EEA1: variants seen among roughly 807,000 people sequenced by gnomAD.
The protein encoded by EEA1 is early endosome antigen 1.
In EEA1, 111 loss-of-function variants were observed where a neutral mutation model predicts 209.2. The observed-to-expected ratio is 0.53, with a 90% CI of 0.45 to 0.62. The LOEUF (loss-of-function observed/expected upper bound fraction) is 0.62, where lower values mean the gene tolerates loss of function less well. EEA1 is among the 20% of genes least tolerant of loss of function. The pLI, the probability that EEA1 is intolerant of heterozygous loss-of-function variation, is 0.00. For synonymous variants in EEA1, 536 were observed against 540.6 expected, an observed-to-expected ratio of 0.99 and a Z score of 0.12; for missense variants, 1,343 against 1,530.8, an observed-to-expected ratio of 0.88 and a Z score of 2.05.
In EEA1 at chr12:92,912,247, A is replaced by C. The variant is rs139028118; in HGVS notation, c.24+16796T>G. 5.9e-3 allele frequency among the ~76,000 whole-genome samples: 895 copies of C among 152,310 alleles called. 8 individuals are homozygous for C. The highest frequency in any genetic ancestry group is 0.021 in the African/African-American group (855 of 41,560). The stretch of plus-strand genomic sequence containing the variant: ...ATACAAGGAAGAACAAAGTGGTGTC[A>C]GTGGTAGTTTGTTATGGTAATTACC... On this transcript the variant is annotated intron_variant, in intron 1 of 28. Coordinates refer to ENST00000322349, the MANE Select transcript of EEA1 (RefSeq NM_003566.4).
At chr12:92,875,279 T>TA (rs1348538555) in intron 2 of EEA1, among the ~76,000 whole-genome samples, 1 of 151,958 alleles carries the variant, frequency 6.6e-6, no homozygotes, top group African/African-American at 2.4e-5. Context: ...CTATTAAAAA[T>TA]ACAAAAATTA....
At chr12:92,880,631 T>C (rs1198604532) in intron 2 of EEA1, among the ~76,000 whole-genome samples, 2 of 152,114 alleles carry the variant, frequency 1.3e-5, no homozygotes, top group East Asian at 3.9e-4. Context: ...CCCACCACCA[T>C]GCTCGGCTAA....
chr12:92,928,318 A>C (rs1881287498), intron 1 of EEA1, among the ~76,000 whole-genome samples: 1 of 152,218 alleles, frequency 6.6e-6, no homozygotes, highest in South Asian at 2.1e-4. Context: ...GATTTCAGAG[A>C]CAGCACAGGC....
chr12:92,923,363 AT>A (rs1565865616), intron 1 of EEA1, among the ~76,000 whole-genome samples: 1 of 152,010 alleles, frequency 6.6e-6, no homozygotes, highest in Non-Finnish European at 1.5e-5. Flanking sequence ...AAAAAAAAAA[AT>A]TTTCTGTGGC....
intron 19 of EEA1, among the ~76,000 whole-genome samples, chr12:92,802,184 T>A (rs1013710425): frequency 2.6e-5 from 4 of 152,024 alleles, no homozygotes; most frequent in Admixed American, 1.3e-4. Flanking sequence ...CTGAAAATAT[T>A]CTTGGCCTTT....
intron 1 of EEA1, 81 bp from the exon 2 acceptor site, chr12:92,891,802 C>A: frequency 1.0e-6 from 1 of 979,862 alleles, no homozygotes; most frequent in Non-Finnish European, 1.5e-6. Context: ...TAATCTAAAC[C>A]TTTTCACATA....
intron 13 of EEA1, 22 bp from the exon 14 acceptor site, chr12:92,819,533 T>C: frequency 6.6e-7 from 1 of 1,520,638 alleles, no homozygotes; most frequent in Non-Finnish European, 8.9e-7. Flanking sequence ...TGAAAACTAC[T>C]ACTTTAAGAA....
intron 12 of EEA1, 105 bp downstream of exon 12, chr12:92,827,807 C>CA: frequency 8.2e-7 from 1 of 1,213,074 alleles, no homozygotes; most frequent in Non-Finnish European, 1.1e-6. Context: ...AATAAATTTG[C>CA]ACTTTAAAAA....
At chr12:92,882,839 C>T (rs2136744912) in intron 2 of EEA1, among the ~76,000 whole-genome samples, 1 of 152,154 alleles carries the variant, frequency 6.6e-6, no homozygotes. Flanking sequence ...GCACATAGTC[C>T]GATTCCATTT....
chr12:92,875,106 A>G (rs1686799124), intron 2 of EEA1, among the ~76,000 whole-genome samples: 1 of 152,190 alleles, frequency 6.6e-6, no homozygotes, highest in Non-Finnish European at 1.5e-5. Context: ...AAATAAGACA[A>G]GGTCTTCACC....
In EEA1 at chr12:92,884,241, C is replaced by T; in HGVS notation, c.117+7388G>A. On this transcript the variant is annotated intron_variant, in intron 2 of 28. Transcript: ENST00000322349. ...TTTGTAACCTTTGACGACCATGACTCCGTGGATAAGACTGTCATTCAGAAA... is the reference window on the plus strand; with the variant it reads ...TTTGTAACCTTTGACGACCATGACTTCGTGGATAAGACTGTCATTCAGAAA... 2.0e-6 allele frequency: 3 copies of T among 1,517,324 alleles called. No homozygotes were observed. The South Asian group carries it at 3.4e-5, about 17-fold the overall frequency. 94.0% of individuals were successfully genotyped at this position (1,517,324 alleles called of 1,614,324 possible).
intron 2 of EEA1, among the ~76,000 whole-genome samples, chr12:92,888,813 G>A (rs1165298050): frequency 4.6e-5 from 7 of 152,030 alleles, no homozygotes; most frequent in African/African-American, 1.2e-4. Flanking sequence ...TCCTCGAAAC[G>A]GAAGGAAAGA....
At chr12:92,835,812 T>G (rs1223570997) in intron 10 of EEA1, among the ~76,000 whole-genome samples, 1 of 152,178 alleles carries the variant, frequency 6.6e-6, no homozygotes, top group African/African-American at 2.4e-5. Context: ...ACCAGCATTA[T>G]TACAAACATG....
rs1873685197 is a variant in EEA1, at chr12:92,777,013, T to A, written c.4015-71A>T. ...AAAGAATGCTAGATTATTTCTAACT[T>A]GCTGCCAGAGTTCTATAAAATTTTG... On this transcript the variant is annotated intron_variant, in intron 27 of 28. Coordinates refer to ENST00000322349, the MANE Select transcript of EEA1 (RefSeq NM_003566.4). The A allele has an allele frequency of 9.9e-6, 15 of 1,509,244 alleles. No homozygotes were observed. The South Asian group carries it at 1.7e-4, about 18-fold the overall frequency. 93.5% of individuals were successfully genotyped at this position (1,509,244 alleles called of 1,614,324 possible).
At chr12:92,879,940 C>T (rs2136741285) in intron 2 of EEA1, among the ~76,000 whole-genome samples, 1 of 152,302 alleles carries the variant, frequency 6.6e-6, no homozygotes, top group East Asian at 1.9e-4. Flanking sequence ...CCTGCCAGCC[C>T]ACAGACTTAT....
At chr12:92,926,850 TC>T (rs1881234714) in intron 1 of EEA1, among the ~76,000 whole-genome samples, 1 of 152,082 alleles carries the variant, frequency 6.6e-6, no homozygotes, top group Non-Finnish European at 1.5e-5. Flanking sequence ...TGCCCTCACC[TC>T]CCACAGAGTG....
chr12:92,921,132 C>T (rs1409054692), intron 1 of EEA1, among the ~76,000 whole-genome samples: 7 of 151,786 alleles, frequency 4.6e-5, no homozygotes, highest in Admixed American at 2.0e-4. Flanking sequence ...GAAATAGGAA[C>T]ACTTTTACAT....
At chr12:92,892,384 G>A (rs1879687152) in intron 1 of EEA1, among the ~76,000 whole-genome samples, 1 of 151,898 alleles carries the variant, frequency 6.6e-6, no homozygotes, top group African/African-American at 2.4e-5. Flanking sequence ...GAGCCATAAC[G>A]CTCAGTCCAC....
At chr12:92,814,290 A>C (rs2136677242) in intron 15 of EEA1, among the ~76,000 whole-genome samples, 1 of 152,358 alleles carries the variant, frequency 6.6e-6, no homozygotes, top group African/African-American at 2.4e-5. Flanking sequence ...ATTGATTTAA[A>C]GGTGAAAACT....
Sources: gnomAD v4.1 joint callset for allele counts (sites outside exome capture counted in the v4.1 genomes callset) on GRCh38, gnomAD v4.1.1 for gene constraint, MANE v1.5 for transcripts, NCBI Gene and HGNC (gene_info 2026-07-23, HGNC 2026-07-21) for gene names.